The following PCDHGB4 variants were observed in gnomAD, a reference collection of about 807,000 sequenced individuals.
The protein encoded by PCDHGB4 is protocadherin gamma subfamily B, 4, also known as protocadherin gamma-B4.
In PCDHGB4, 38 loss-of-function variants were observed where a neutral mutation model predicts 60.5. The ratio of observed to expected loss-of-function variants is 0.63; its 90% confidence interval spans 0.48 to 0.82. The LOEUF (loss-of-function observed/expected upper bound fraction) is 0.82, where lower values mean the gene tolerates loss of function less well. Among genes scored for constraint, PCDHGB4 ranks in the 40% least tolerant of loss-of-function variants. PCDHGB4 has a pLI of 0.00. For synonymous variants in PCDHGB4, 456 were observed against 509.7 expected, an observed-to-expected ratio of 0.89 and a Z score of 1.42; for missense variants, 1,109 against 1,209.6, an observed-to-expected ratio of 0.92 and a Z score of 1.23.
chr5:141,422,543 T>C lies in PCDHGB4; in HGVS notation c.2397+32262T>C, dbSNP rs2096655736. 1 of 1,613,882 alleles carries C rather than the reference T, an allele frequency of 6.2e-7. No homozygotes were observed. Among genetic ancestry groups the C allele is most frequent in the African/African-American group, 1.3e-5 (1 of 74,928 alleles). Reference sequence around the variant, plus strand: ...CCGCCTTTGTCTGCAGAAACTCATGTCTGGCTGAATGTGGCAGATGACAAC... The same window carrying C: ...CCGCCTTTGTCTGCAGAAACTCATGCCTGGCTGAATGTGGCAGATGACAAC... On this transcript the variant is annotated intron_variant, in intron 1 of 3. Coordinates refer to ENST00000519479, the MANE Select transcript of PCDHGB4 (RefSeq NM_003736.4).
At chr5:141,448,000 C>T (rs1363676731) in intron 1 of PCDHGB4, among the ~76,000 whole-genome samples, 3 of 151,840 alleles carry the variant, frequency 2.0e-5, no homozygotes, top group Non-Finnish European at 4.4e-5. Flanking sequence ...GCATGAGAAT[C>T]GCTTGAACCC....
At chr5:141,399,019 A>AC in intron 1 of PCDHGB4, 1 of 1,613,932 alleles carries the variant, frequency 6.2e-7, no homozygotes, top group Non-Finnish European at 8.5e-7. Context: ...CGGAGAAATT[A>AC]CCACTCAAAA....
chr5:141,490,811 A>G lies in PCDHGB4; in HGVS notation c.2398-3996A>G, dbSNP rs750702067. The G allele has an allele frequency of 1.2e-6, 2 of 1,613,918 alleles. No homozygotes were observed. The highest frequency in any genetic ancestry group is 8.5e-7 in the Non-Finnish European group (1 of 1,179,884). On this transcript the variant is annotated intron_variant, in intron 1 of 3. Coordinates refer to ENST00000519479, the MANE Select transcript of PCDHGB4 (RefSeq NM_003736.4). This position sits in a 1 kb window ranked among gnomAD's most constrained non-coding sequence, Gnocchi z 5.4. ...ATCTTTGCCCAGCGTACCTTTGACTATGAATTGCTGCAGATGCTGCAGATT... is the reference window on the plus strand; with the variant it reads ...ATCTTTGCCCAGCGTACCTTTGACTGTGAATTGCTGCAGATGCTGCAGATT...
At chr5:141,500,475 C>T (rs1193752670) in intron 2 of PCDHGB4, among the ~76,000 whole-genome samples, 1 of 152,024 alleles carries the variant, frequency 6.6e-6, no homozygotes, top group African/African-American at 2.4e-5. Flanking sequence ...TCCCAAAGTG[C>T]TGGGATTACA....
At chr5:141,460,341 C>T (rs557699438) in intron 1 of PCDHGB4, among the ~76,000 whole-genome samples, 39 of 152,110 alleles carry the variant, frequency 2.6e-4, no homozygotes, top group Admixed American at 2.4e-3. Flanking sequence ...ATGATTTTCT[C>T]CTATATTTTC....
In PCDHGB4 at chr5:141,389,364, C is replaced by T; in HGVS notation, c.1480C>T (p.Leu494=). 1.2e-6 allele frequency: 2 copies of T among 1,613,854 alleles called. No homozygotes were observed. Among genetic ancestry groups the T allele is most frequent in the Non-Finnish European group, 1.7e-6 (2 of 1,179,912 alleles). ...CTCTTACTGCATCATGGCCAGTGACCTGGAGCAGCGGGAGCTGTCATCCTA... is the reference window on the plus strand; with the variant it reads ...CTCTTACTGCATCATGGCCAGTGACTTGGAGCAGCGGGAGCTGTCATCCTA... The part of the protein sequence containing the change: ...QVSYCIMASD[L]EQRELSSYVS... The change falls in exon 1 of 4, where the codon CTG becomes TTG. Residue 494 remains leucine, a synonymous_variant. Transcript: ENST00000519479.
chr5:141,395,400 G>C, intron 1 of PCDHGB4: 1 of 859,976 alleles, frequency 1.2e-6, no homozygotes, highest in Non-Finnish European at 1.7e-6. Context: ...AACTCTAATA[G>C]TCATAGGTTA....
intron 1 of PCDHGB4, chr5:141,419,377 C>A (rs2096371335): frequency 6.2e-7 from 1 of 1,613,572 alleles, no homozygotes; most frequent in African/African-American, 1.3e-5. Flanking sequence ...CCTACGTGTC[C>A]GTGAGCGCGC....
chr5:141,390,534 A>C (rs2092170785), intron 1 of PCDHGB4: 1 of 525,162 alleles, frequency 1.9e-6, no homozygotes, highest in Non-Finnish European at 3.3e-6. Context: ...TGTGGTTTTA[A>C]CCACAAAGTG....
chr5:141,465,366 A>G (rs2099102089), intron 1 of PCDHGB4, among the ~76,000 whole-genome samples: 1 of 152,154 alleles, frequency 6.6e-6, no homozygotes, highest in Non-Finnish European at 1.5e-5. Flanking sequence ...GGTGCCCTTT[A>G]AAGTTGTAAG....
intron 1 of PCDHGB4, among the ~76,000 whole-genome samples, chr5:141,434,530 A>G (rs1241680580): frequency 6.6e-6 from 1 of 152,226 alleles, no homozygotes; most frequent in African/African-American, 2.4e-5. Flanking sequence ...CTTAAACCAC[A>G]AACAATAGCA....
In PCDHGB4 at chr5:141,489,720, G is replaced by A. The variant is rs560729125; in HGVS notation, c.2398-5087G>A. ...TCCCACTGGACAGTGCCCAGGATCC[G>A]GATGTGGGCACCAATACTGTGAGCT... On this transcript the variant is annotated intron_variant, in intron 1 of 3. Transcript: ENST00000519479. The surrounding 1 kb of genome is among the most constrained non-coding windows in gnomAD (Gnocchi z 4.5). The A allele has an allele frequency of 3.2e-5, 51 of 1,614,200 alleles. No individual in the cohort carries two copies. The highest frequency in any genetic ancestry group is 9.3e-5 in the African/African-American group (7 of 75,048).
At chr5:141,488,134 A>G (rs546928916) in intron 1 of PCDHGB4, among the ~76,000 whole-genome samples, 1 of 152,332 alleles carries the variant, frequency 6.6e-6, no homozygotes, top group African/African-American at 2.4e-5. Flanking sequence ...GAAAGAGGAG[A>G]GAACTAAAGG....
chr5:141,429,234 T>C (rs2097199038), intron 1 of PCDHGB4: 1 of 152,114 alleles, frequency 6.6e-6, no homozygotes, highest in African/African-American at 2.4e-5. Context: ...ATGATACTGC[T>C]GTCATTGAGA....
At position 141,431,140 on chromosome 5, in the gene PCDHGB4, C is replaced by T. The variant is rs145692116; in HGVS notation, c.2397+40859C>T. 2.4e-5 allele frequency: 38 copies of T among 1,614,208 alleles called. No individual in the cohort carries two copies. Among genetic ancestry groups the T allele is most frequent in the Admixed American group, 3.3e-5 (2 of 60,038 alleles). On this transcript the variant is annotated intron_variant, in intron 1 of 3. Coordinates refer to ENST00000519479, the MANE Select transcript of PCDHGB4 (RefSeq NM_003736.4). This position sits in a 1 kb window ranked among gnomAD's most constrained non-coding sequence, Gnocchi z 4.8. ...TAGAAGTAGAAGTAAGGGACATTAA[C>T]GACAATGCGCCTTACTTTCGTGAAA...
intron 1 of PCDHGB4, chr5:141,441,346 G>A (rs1265971154): frequency 2.0e-5 from 3 of 152,340 alleles, no homozygotes; most frequent in African/African-American, 7.2e-5. Context: ...TTAACTACAT[G>A]CTTGTAACAA....
chr5:141,404,965 C>A, intron 1 of PCDHGB4: 1 of 1,614,030 alleles, frequency 6.2e-7, no homozygotes, highest in Non-Finnish European at 8.5e-7. Context: ...TCCCAGACAT[C>A]CTGGCTGACC....
intron 1 of PCDHGB4, among the ~76,000 whole-genome samples, chr5:141,467,789 G>A (rs1264350552): frequency 6.6e-6 from 1 of 152,066 alleles, no homozygotes; most frequent in Non-Finnish European, 1.5e-5. Context: ...CTCTCAAGTA[G>A]CTGGGACTAC....
Position 141,477,447 on chromosome 5 carries a change from G to C in PCDHGB4, c.2398-17360G>C, listed in dbSNP as rs779097830. On this transcript the variant is annotated intron_variant, in intron 1 of 3. Coordinates refer to ENST00000519479, the MANE Select transcript of PCDHGB4 (RefSeq NM_003736.4). The surrounding 1 kb of genome is among the most constrained non-coding windows in gnomAD (Gnocchi z 4.9). ...TCCCTCTCAGCCCTTACAATAGTGCGTGTTCAAGTGTCCGACATCAATGAC... is the reference window on the plus strand; with the variant it reads ...TCCCTCTCAGCCCTTACAATAGTGCCTGTTCAAGTGTCCGACATCAATGAC... The C allele has an allele frequency of 1.6e-5, 26 of 1,614,098 alleles. No individual in the cohort carries two copies. Among genetic ancestry groups the C allele is most frequent in the Non-Finnish European group, 2.2e-5 (26 of 1,180,016 alleles).
Sources: allele counts gnomAD v4.1 joint callset (sites outside exome capture counted in the v4.1 genomes callset), GRCh38; gene constraint gnomAD v4.1.1; non-coding constraint Gnocchi (gnomAD v3.1); transcripts MANE v1.5; gene names NCBI Gene and HGNC (gene_info 2026-07-23, HGNC 2026-07-21).